Variants in PLCE1 observed in about 807,000 individuals in gnomAD.
The protein encoded by PLCE1 is phospholipase C epsilon 1.
In PLCE1, 119 loss-of-function variants were observed where a neutral mutation model predicts 242.8. The ratio of observed to expected loss-of-function variants is 0.49; its 90% CI spans 0.42 to 0.57. The LOEUF is 0.57. PLCE1 is among the 20% of genes least tolerant of loss of function. The probability of loss-of-function intolerance (pLI) is 0.00; values close to 1 mark genes in which losing one functional copy is unlikely to be tolerated. For synonymous variants in PLCE1, 945 were observed against 1,017.4 expected (o/e 0.93, Z 1.35); for missense variants, 2,441 against 2,788.8 (o/e 0.88, Z 2.81).
intron 1 of PLCE1, among the ~76,000 whole-genome samples, chr10:94,004,750 C>T (rs1202045301): frequency 1.3e-5 from 2 of 152,168 alleles, no homozygotes; most frequent in South Asian, 2.1e-4. Context: ...GAGTCACTCC[C>T]CTGTGTCAGG....
Position 94,089,383 on chromosome 10 carries a change from G to T in PLCE1, c.1207-42791G>T, listed in dbSNP as rs528705158. ...GAGGCTTAAAGAAGACCAGGTAAGGGTTCTTGTTGTCTAAGAAATCCCCCA... is the reference window on the plus strand; with the variant it reads ...GAGGCTTAAAGAAGACCAGGTAAGGTTTCTTGTTGTCTAAGAAATCCCCCA... On this transcript the variant is annotated intron_variant, in intron 2 of 32. Transcript: ENST00000371380. 1.2e-5 allele frequency: 19 copies of T among 1,567,434 alleles called. 1 individual carries two copies. The South Asian group carries it at 1.8e-4, about 15-fold the overall frequency.
rs1485484180 is a variant in PLCE1 at position 94,330,242 on chromosome 10, G to C, written c.*2299G>C. ...AACATAAATCTGAGACTGAAGTTGA[G>C]ACCAGGTTGTTTAGCAAGTGAGAGA... On this transcript the variant is annotated 3_prime_UTR_variant, in exon 33 of 33. Coordinates refer to ENST00000371380, the MANE Select transcript of PLCE1 (RefSeq NM_016341.4). The C allele has an allele frequency of 6.6e-6, 1 of 152,248 alleles. No individual in the cohort carries two copies. 9.4% of individuals were successfully genotyped at this position (152,248 alleles called of 1,614,324 possible).
chr10:94,098,885 T>C (rs1296040217), intron 2 of PLCE1, among the ~76,000 whole-genome samples: 4 of 152,220 alleles, frequency 2.6e-5, no homozygotes, highest in Non-Finnish European at 5.9e-5. Context: ...CTCGTGGTTC[T>C]AGGGAGCTGA....
In PLCE1 at chr10:94,032,087, T is replaced by G; in HGVS notation, c.1041T>G (p.Ile347Met). Residue 347 changes from isoleucine (I) to methionine (M), a missense_variant, in exon 2 of 33, where the codon ATT becomes ATG. Around this residue, in one of 5 missense-constraint regions of PLCE1, gnomAD observed 733 missense variants for 754.2 expected, o/e 0.97. Coordinates refer to ENST00000371380, the MANE Select transcript of PLCE1 (RefSeq NM_016341.4). Reference protein sequence around the residue: ...KKSVYTGTRAIVRTLPSGHIG... With the variant: ...KKSVYTGTRAMVRTLPSGHIG... The stretch of plus-strand genomic sequence containing the variant: ...CTGTGTATACTGGAACAAGAGCAAT[T>G]GTGAGAACTCTGCCTTCTGGCCACA... 6.2e-7 allele frequency: 1 copy of G among 1,611,800 alleles called. No homozygotes were observed. Among genetic ancestry groups the G allele is most frequent in the Non-Finnish European group, 8.5e-7 (1 of 1,179,150 alleles).
intron 1 of PLCE1, among the ~76,000 whole-genome samples, chr10:94,025,575 C>T (rs1164821193): frequency 2.0e-5 from 3 of 152,086 alleles, no homozygotes; most frequent in African/African-American, 7.2e-5. Flanking sequence ...ATTGAGCATC[C>T]CTGATGCTGA....
intron 2 of PLCE1, among the ~76,000 whole-genome samples, chr10:94,113,609 A>T (rs2046023450): frequency 6.6e-6 from 1 of 152,218 alleles, no homozygotes; most frequent in Admixed American, 6.5e-5. Flanking sequence ...ATTATCACAC[A>T]GTTATCTCCA....
At chr10:94,185,492 A>G (rs961954252) in intron 4 of PLCE1, among the ~76,000 whole-genome samples, 23 of 152,270 alleles carry the variant, frequency 1.5e-4, no homozygotes, top group African/African-American at 5.5e-4. Flanking sequence ...GTGAAACTCC[A>G]CCTAAAAAGA....
chr10:94,100,788 T>C (rs989463991), intron 2 of PLCE1: 8 of 152,254 alleles, frequency 5.3e-5, no homozygotes, highest in Admixed American at 2.0e-4. Context: ...CTATGGAAGA[T>C]GGATGCAACA....
intron 1 of PLCE1, among the ~76,000 whole-genome samples, chr10:94,029,133 C>A (rs2061506720): frequency 6.6e-6 from 1 of 152,036 alleles, no homozygotes; most frequent in Non-Finnish European, 1.5e-5. Context: ...ATTATAATAA[C>A]AACAATAATT....
chr10:94,254,747 A>C, intron 10 of PLCE1, 146 bp from the exon 11 acceptor site: 2 of 867,722 alleles, frequency 2.3e-6, no homozygotes, highest in Non-Finnish European at 3.9e-6. Flanking sequence ...TAGCCCATTC[A>C]TAAAGATATT....
In PLCE1 at chr10:94,293,587, G is replaced by T. The variant is rs751378446; in HGVS notation, c.5115G>T (p.Pro1705=). Residue 1705 remains proline (P), a synonymous_variant, in exon 23 of 33, where the codon CCG becomes CCT. Coordinates refer to ENST00000371380, the MANE Select transcript of PLCE1 (RefSeq NM_016341.4). The part of the protein sequence containing the change: ...KSRKSIFGNN[P]GRMSPGETAS... ...GGAAGTCCATTTTTGGCAACAATCC[G>T]GGCAGAATGAGCCCAGGGGAGACAG... The T allele has an allele frequency of 5.6e-6, 9 of 1,613,728 alleles. No individual in the cohort carries two copies. The highest frequency in any genetic ancestry group is 1.7e-5 in the Admixed American group (1 of 59,984).
chr10:94,247,251 G>A (rs2050716927), intron 8 of PLCE1, among the ~76,000 whole-genome samples: 5 of 151,788 alleles, frequency 3.3e-5, no homozygotes, highest in Admixed American at 6.6e-5. Context: ...TATAGTAACT[G>A]AAAATGCTTA....
intron 1 of PLCE1, among the ~76,000 whole-genome samples, chr10:94,008,238 T>TTC (rs5787097): frequency 0.55 from 80,856 of 147,104 alleles, 23,556 homozygotes; most frequent in East Asian, 0.74. Context: ...CTGAAAATCT[T>TTC]CAGGTAAATT....
intron 4 of PLCE1, among the ~76,000 whole-genome samples, chr10:94,178,121 A>T (rs2136399041): frequency 6.6e-6 from 1 of 152,320 alleles, no homozygotes. Flanking sequence ...TTGACTTCAT[A>T]ACCTGTCACC....
intron 2 of PLCE1, among the ~76,000 whole-genome samples, chr10:94,044,026 G>A (rs983049058): frequency 6.6e-6 from 1 of 152,188 alleles, no homozygotes; most frequent in Non-Finnish European, 1.5e-5. Flanking sequence ...AATCTAATTG[G>A]TTGCTAGAAA....
intron 3 of PLCE1, among the ~76,000 whole-genome samples, chr10:94,166,245 C>T (rs2047798037): frequency 6.6e-6 from 1 of 152,076 alleles, no homozygotes; most frequent in African/African-American, 2.4e-5. Context: ...TATACATTTA[C>T]CTCACTTGGT....
chr10:94,319,715 C>T (rs2053710117), intron 29 of PLCE1, among the ~76,000 whole-genome samples: 1 of 152,048 alleles, frequency 6.6e-6, no homozygotes, highest in Admixed American at 6.6e-5. Context: ...AGACTCATGT[C>T]AAACATGTAC....
At position 94,097,473 on chromosome 10, in the gene PLCE1, C is replaced by G. The variant is rs147766479; in HGVS notation, c.1207-34701C>G. Among the ~76,000 whole-genome samples, 542 of 152,242 alleles carry G rather than the reference C, an allele frequency of 3.6e-3. 1 individual carries two copies. The highest frequency in any genetic ancestry group is 6.2e-3 in the Non-Finnish European group (420 of 68,010). ...CCACAACAGTGTGCCAAGCATGATG[C>G]TAAGTGCCAGGATGTAGAGTAGACA... is the stretch of plus-strand genomic sequence containing the variant. On this transcript the variant is annotated intron_variant, in intron 2 of 32. Transcript: ENST00000371380.
At chr10:94,257,785 G>A (rs2051153097) in intron 11 of PLCE1, among the ~76,000 whole-genome samples, 1 of 152,180 alleles carries the variant, frequency 6.6e-6, no homozygotes, top group African/African-American at 2.4e-5. Flanking sequence ...GTGGAGGGAG[G>A]AGGGAGGGAT....
Sources: allele counts gnomAD v4.1 joint callset (sites outside exome capture counted in the v4.1 genomes callset), GRCh38; gene constraint gnomAD v4.1.1; regional missense constraint gnomAD v4.1.1; transcripts MANE v1.5; gene names NCBI Gene and HGNC (gene_info 2026-07-23, HGNC 2026-07-21).